The following RGS12 variants were observed in gnomAD, a reference collection of about 807,000 sequenced individuals.
The protein encoded by RGS12 is regulator of G-protein signaling 12.
In RGS12, 66 loss-of-function variants were observed where a neutral mutation model predicts 120.1. The ratio of observed to expected loss-of-function variants is 0.55; its 90% CI spans 0.45 to 0.67. The LOEUF (loss-of-function observed/expected upper bound fraction) is 0.67, where lower values mean the gene tolerates loss of function less well. Among genes scored for constraint, RGS12 ranks in the 30% least tolerant of loss-of-function variants. The pLI is 0.00. For missense variants in RGS12, 1,859 were observed against 1,957.7 expected, an observed-to-expected ratio of 0.95 and a Z score of 0.95; for synonymous variants, 827 against 804.7, an observed-to-expected ratio of 1.03 and a Z score of -0.47.
chr4:3,430,699 G>C lies in RGS12; in HGVS notation c.3858G>C (p.Gly1286=). 1 of 1,578,526 alleles carries C rather than the reference G, an allele frequency of 6.3e-7. No homozygotes were observed. The highest frequency in any genetic ancestry group is 8.6e-7 in the Non-Finnish European group (1 of 1,162,196). ...GSASSPPGPP[G]TTPPGQKSPS... is the part of the protein sequence containing the mutation. ...CCTCCAGCCCCCCTGGACCTCCTGG[G>C]ACGACCCCCCCCGGGCAGAAGTCTC... Residue 1286 remains glycine (G), a synonymous_variant, in exon 17 of 18, where the codon GGG becomes GGC. Coordinates refer to ENST00000336727, the MANE Select transcript of RGS12 (RefSeq NM_001394154.1).
chr4:3,303,801 T>C (rs1723815922), intron 1 of RGS12, among the ~76,000 whole-genome samples: 1 of 152,274 alleles, frequency 6.6e-6, no homozygotes, highest in East Asian at 1.9e-4. Flanking sequence ...ACTTTCTGAA[T>C]GCTACTTCCT....
intron 1 of RGS12, among the ~76,000 whole-genome samples, chr4:3,307,739 T>G (rs1332905702): frequency 6.6e-6 from 1 of 152,108 alleles, no homozygotes; most frequent in African/African-American, 2.4e-5. Context: ...CACTGTGAAG[T>G]GTGTGGACAG....
At chr4:3,308,595 C>G (rs1724107033) in intron 1 of RGS12, among the ~76,000 whole-genome samples, 1 of 152,252 alleles carries the variant, frequency 6.6e-6, no homozygotes, top group African/African-American at 2.4e-5. Flanking sequence ...AGGCCACCAC[C>G]TGGCTGCCTA....
chr4:3,367,631 C>T (rs73795519), intron 3 of RGS12, among the ~76,000 whole-genome samples: 2,201 of 152,358 alleles, frequency 0.014, 58 homozygotes, highest in African/African-American at 0.05. Flanking sequence ...GGCTCATCCC[C>T]GTCTCCCCAG....
chr4:3,366,878 T>C lies in RGS12; in HGVS notation c.1999-19538T>C, dbSNP rs796750606. Reference sequence around the variant, plus strand: ...TGGGTCACCCACAGGCCCCTTTGCCTTCACTGGAACTTTCCAGTTAGCCAG... The same window carrying C: ...TGGGTCACCCACAGGCCCCTTTGCCCTCACTGGAACTTTCCAGTTAGCCAG... On this transcript the variant is annotated intron_variant, in intron 3 of 17. Transcript: ENST00000336727. The surrounding 1 kb of genome is among the most constrained non-coding windows in gnomAD (Gnocchi z 4.0). Among the ~76,000 whole-genome samples, 1 of 152,148 alleles carries C rather than the reference T, an allele frequency of 6.6e-6. No individual in the cohort carries two copies. Among genetic ancestry groups the C allele is most frequent in the South Asian group, 2.1e-4 (1 of 4,826 alleles).
chr4:3,414,992 TGAGGGGCGTGTGAGGGGCGTGTGTGA>T (rs1722199983), intron 6 of RGS12, 148 bp downstream of exon 6: 2 of 483,772 alleles, frequency 4.1e-6, no homozygotes, highest in East Asian at 3.3e-5. Context: ...AGGTTGCGTG[TGAGGGGCGTGTGAGGGGCGTGTGTGA>T]GAGGGGCGTG....
chr4:3,436,310 T>TC (rs1274884055), intron 17 of RGS12, among the ~76,000 whole-genome samples: 3 of 151,926 alleles, frequency 2.0e-5, no homozygotes, highest in Non-Finnish European at 2.9e-5. Context: ...CTCCCCTCGC[T>TC]CCCCCCTTCC....
intron 3 of RGS12, among the ~76,000 whole-genome samples, chr4:3,343,426 G>A (rs115105621): frequency 0.013 from 1,918 of 152,260 alleles, 22 homozygotes; most frequent in Non-Finnish European, 0.019. Flanking sequence ...TCGTCTATCT[G>A]TGTTTCTTTT....
At chr4:3,340,550 G>A (rs1020367302) in intron 2 of RGS12, among the ~76,000 whole-genome samples, 13 of 152,224 alleles carry the variant, frequency 8.5e-5, no homozygotes, top group Admixed American at 8.5e-4. Context: ...AGGAGGGAGC[G>A]GGGGTGGCAA....
chr4:3,421,637 G>C (rs934012768), intron 10 of RGS12, among the ~76,000 whole-genome samples: 7 of 152,202 alleles, frequency 4.6e-5, no homozygotes, highest in African/African-American at 1.7e-4. Flanking sequence ...AGGACCCTTC[G>C]TTCGCCTCAC....
chr4:3,355,413 A>G (rs1714772531), intron 3 of RGS12, among the ~76,000 whole-genome samples: 1 of 152,200 alleles, frequency 6.6e-6, no homozygotes, highest in African/African-American at 2.4e-5. Context: ...AGTAAAAACA[A>G]AAGTTTAAAA....
At chr4:3,415,834 T>TTTTA in intron 6 of RGS12, 144 bp from the exon 7 acceptor site, 1 of 828,938 alleles carries the variant, frequency 1.2e-6, no homozygotes, top group East Asian at 2.7e-5. Context: ...CTGGCCACAC[T>TTTTA]TTTATTTATT....
the RGS12 span, among the ~76,000 whole-genome samples, chr4:3,287,113 C>G: frequency 5.3e-5 from 8 of 152,170 alleles, no homozygotes; most frequent in African/African-American, 1.9e-4. Context: ...GAGCTCTGAG[C>G]GCTACCTGCT....
At chr4:3,427,956 G>C (rs1008127184) in intron 14 of RGS12, 134 bp from the exon 15 acceptor site, 1 of 829,884 alleles carries the variant, frequency 1.2e-6, no homozygotes, top group Non-Finnish European at 2.1e-6. Context: ...AGGGCTGTGC[G>C]TGGTGAATAA....
At position 3,431,773 on chromosome 4, in the gene RGS12, C is replaced by T. The variant is rs1560181337; in HGVS notation, c.4114+818C>T. The T allele has an allele frequency of 9.1e-6, 9 of 985,578 alleles. No individual in the cohort carries two copies. In the African/African-American group the frequency reaches 1.0e-4, roughly 11 times the overall value. 61.1% of individuals were successfully genotyped at this position (985,578 alleles called of 1,614,324 possible). A position where few individuals can be genotyped will look rare whatever the true frequency, so the allele number is the denominator to read the frequency against. On this transcript the variant is annotated intron_variant, in intron 17 of 17. Transcript: ENST00000336727. ...GAGTGTGCTCAGGGGTGCGTGGACA[C>T]CTCTGCTGTGGTTTGCTGCTGGGGG...
In RGS12 at chr4:3,374,891, C is replaced by G. The variant is rs1717469656; in HGVS notation, c.1999-11525C>G. Among the ~76,000 whole-genome samples, 1 of 152,178 alleles carries G rather than the reference C, an allele frequency of 6.6e-6. No individual in the cohort carries two copies. Among genetic ancestry groups the G allele is most frequent in the Non-Finnish European group, 1.5e-5 (1 of 68,032 alleles). On this transcript the variant is annotated intron_variant, in intron 3 of 17. Transcript: ENST00000336727. The surrounding 1 kb of genome is among the most constrained non-coding windows in gnomAD (Gnocchi z 6.3). ...GACTGGGCTCTGCGGGGCAGGGCTG[C>G]CAGTTTGGGGTTTGCATGTTGATTT...
intron 1 of RGS12, among the ~76,000 whole-genome samples, chr4:3,313,772 C>T (rs1330788158): frequency 6.6e-6 from 1 of 152,154 alleles, no homozygotes; most frequent in Non-Finnish European, 1.5e-5. Flanking sequence ...GTGGCCGTCC[C>T]CTCTGGCTCT....
chr4:3,438,890 C>G (rs527864449), intron 17 of RGS12, among the ~76,000 whole-genome samples: 3 of 152,172 alleles, frequency 2.0e-5, no homozygotes, highest in Non-Finnish European at 4.4e-5. Flanking sequence ...AGGCCCAGAG[C>G]AGGGTGTGTA....
intron 1 of RGS12, among the ~76,000 whole-genome samples, chr4:3,311,223 G>A (rs1023543478): frequency 8.5e-5 from 13 of 152,186 alleles, no homozygotes; most frequent in African/African-American, 1.2e-4. Context: ...CGGGCAGTGC[G>A]GACGGGTGCT....
Sources: gnomAD v4.1 joint callset for allele counts (sites outside exome capture counted in the v4.1 genomes callset) on GRCh38, gnomAD v4.1.1 for gene constraint, Gnocchi (gnomAD v3.1) non-coding constraint, MANE v1.5 for transcripts, NCBI Gene and HGNC (gene_info 2026-07-23, HGNC 2026-07-21) for gene names.